SYK: variants seen among roughly 807,000 people sequenced by gnomAD.
SYK encodes the protein spleen associated tyrosine kinase, also known as tyrosine-protein kinase SYK.
A neutral mutation model predicts 77.8 loss-of-function variants in SYK; 16 were observed. That is an observed-to-expected ratio of 0.21 (90% CI 0.14 to 0.31). SYK has a LOEUF of 0.31. Among genes scored for constraint, SYK ranks in the 10% least tolerant of loss-of-function variants. The pLI is 1.00. For missense variants in SYK, 529 were observed against 814.4 expected (o/e 0.65, Z 4.26); for synonymous variants, 312 against 308.7 (o/e 1.01, Z -0.11).
At chr9:90,877,314 A>T (rs1026310152) in intron 9 of SYK, among the ~76,000 whole-genome samples, 8 of 152,102 alleles carry the variant, frequency 5.3e-5, no homozygotes, top group African/African-American at 1.9e-4. Context: ...AAGTATGGGG[A>T]TTGTCAGCAT....
At chr9:90,856,244 T>C (rs1200140781) in intron 3 of SYK, among the ~76,000 whole-genome samples, 2 of 152,220 alleles carry the variant, frequency 1.3e-5, no homozygotes, top group Non-Finnish European at 1.5e-5. Context: ...AAGTAATGTG[T>C]ATAAAGCTAA....
intron 1 of SYK, among the ~76,000 whole-genome samples, chr9:90,833,562 T>C (rs1280868886): frequency 1.3e-5 from 2 of 152,208 alleles, no homozygotes; most frequent in Non-Finnish European, 2.9e-5. Flanking sequence ...CTTGTTCAGC[T>C]GCTTGCTCAG....
intron 11 of SYK, among the ~76,000 whole-genome samples, chr9:90,885,564 A>T (rs1828532348): frequency 2.0e-5 from 3 of 152,320 alleles, no homozygotes; most frequent in Non-Finnish European, 4.4e-5. Context: ...TATTCAAATC[A>T]TCAGTGTCCC....
intron 3 of SYK, among the ~76,000 whole-genome samples, chr9:90,850,792 C>T (rs1165404784): frequency 6.7e-6 from 1 of 149,264 alleles, no homozygotes; most frequent in Admixed American, 6.7e-5. Context: ...AAAAAGAATT[C>T]CTGAAATGCA....
intron 9 of SYK, 150 bp from the exon 10 acceptor site, chr9:90,877,421 T>A: frequency 1.3e-6 from 1 of 766,984 alleles, no homozygotes; most frequent in Non-Finnish European, 2.1e-6. Flanking sequence ...AGGCCAGCCA[T>A]CCATTACAGG....
Position 90,898,395 on chromosome 9 carries a change from A to ATT in SYK, c.*2795_*2796insTT, listed in dbSNP as rs1829077371. On this transcript the variant is annotated 3_prime_UTR_variant, in exon 14 of 14. Transcript: ENST00000375754. Reference sequence around the variant, plus strand: ...CAAGTCGGCCTGGATTTTCACTTGCAGAGGCTACAGCTGCATTGTCAGGTC... The same window carrying ATT: ...CAAGTCGGCCTGGATTTTCACTTGCATTGAGGCTACAGCTGCATTGTCAGGTC... 8.8e-6 allele frequency: 2 copies of ATT among 227,260 alleles called. No individual in the cohort carries two copies. The highest frequency in any genetic ancestry group is 1.7e-5 in the Non-Finnish European group (2 of 114,392). 14.1% of individuals were successfully genotyped at this position (227,260 alleles called of 1,614,324 possible).
At position 90,877,624 on chromosome 9, in the gene SYK, C is replaced by A. The variant is rs772725630; in HGVS notation, c.1235C>A (p.Ala412Asp). The A allele has an allele frequency of 6.2e-7, 1 of 1,614,246 alleles. No individual in the cohort carries two copies. Among genetic ancestry groups the A allele is most frequent in the South Asian group, 1.1e-5 (1 of 91,088 alleles). ...CTGAAAAACGAGGCCAATGACCCCG[C>A]TCTTAAAGATGAGTTATTAGCAGAA... Reference protein sequence around the residue: ...KILKNEANDPALKDELLAEAN... With the variant: ...KILKNEANDPDLKDELLAEAN... The change falls in exon 10 of 14, where the codon GCT (alanine) becomes GAT (aspartate). Residue 412 changes from alanine to aspartate, a missense_variant. This residue lies in a region of SYK where 208 missense variants were observed against 381.3 expected (regional missense o/e 0.55). Coordinates refer to ENST00000375754, the MANE Select transcript of SYK (RefSeq NM_003177.7).
rs149544344 is a variant in SYK at position 90,884,478 on chromosome 9, TACACAC to T, written c.1582-3267_1582-3262del. Reference sequence around the variant, plus strand: ...ATACACATATGTGTGTACATATACATACACACACATACACATATGTGTACATGTACA... The same window carrying T: ...ATACACATATGTGTGTACATATACATACATACACATATGTGTACATGTACA... On this transcript the variant is annotated intron_variant, in intron 11 of 13. Coordinates refer to ENST00000375754, the MANE Select transcript of SYK (RefSeq NM_003177.7). 1.5e-4 allele frequency among the ~76,000 whole-genome samples: 2 copies of T among 12,974 alleles called. 1 individual carries two copies. The highest frequency in any genetic ancestry group is 1.7e-3 in the African/African-American group (2 of 1,186). 8.5% of individuals were successfully genotyped at this position (12,974 alleles called of 152,430 possible).
At chr9:90,842,061 TG>T (rs1025207369) in intron 1 of SYK, among the ~76,000 whole-genome samples, 1 of 137,956 alleles carries the variant, frequency 7.2e-6, no homozygotes, top group African/African-American at 2.5e-5. Context: ...GTGTGTGTGA[TG>T]TGTGTAGTGT....
At chr9:90,851,570 G>A (rs551599039) in intron 3 of SYK, among the ~76,000 whole-genome samples, 49 of 152,232 alleles carry the variant, frequency 3.2e-4, no homozygotes, top group African/African-American at 1.0e-3. Flanking sequence ...TGGAGGGGGA[G>A]TCCTCCAGCC....
intron 2 of SYK, among the ~76,000 whole-genome samples, chr9:90,844,885 A>C (rs1826525123): frequency 6.6e-6 from 1 of 152,204 alleles, no homozygotes; most frequent in African/African-American, 2.4e-5. Context: ...CTGCAGGATA[A>C]ACTTTGAAAG....
chr9:90,843,776 T>C (rs1587850266), intron 1 of SYK, 82 bp from the exon 2 acceptor site: 1 of 1,121,600 alleles, frequency 8.9e-7, no homozygotes, highest in Non-Finnish European at 1.2e-6. Context: ...TGTCTCCACT[T>C]TGAAAGGGTT....
chr9:90,872,517 C>T (rs1827770516), intron 7 of SYK, among the ~76,000 whole-genome samples: 3 of 152,176 alleles, frequency 2.0e-5, no homozygotes, highest in East Asian at 1.9e-4. Context: ...GACAGAAAGC[C>T]TAGGGGATCA....
intron 1 of SYK, among the ~76,000 whole-genome samples, chr9:90,825,186 CAGA>C (rs1292701078): frequency 6.7e-6 from 1 of 149,596 alleles, no homozygotes; most frequent in Non-Finnish European, 1.5e-5. Context: ...GATCTGTATG[CAGA>C]AAACTACAAA....
rs896945927 is a variant in SYK at position 90,801,866 on chromosome 9, G to T, written c.-69G>T. On this transcript the variant is annotated 5_prime_UTR_variant, in exon 1 of 14. Coordinates refer to ENST00000375754, the MANE Select transcript of SYK (RefSeq NM_003177.7). ...GAGGAGGAGCGGGTGGCCCCGCGCT[G>T]CGCCCGCCCTCGCCTCACCTGGCGC... is the stretch of plus-strand genomic sequence containing the variant. 4 of 152,572 alleles carry T rather than the reference G, an allele frequency of 2.6e-5. No homozygotes were observed. The highest frequency in any genetic ancestry group is 9.6e-5 in the African/African-American group (4 of 41,458). 9.5% of individuals were successfully genotyped at this position (152,572 alleles called of 1,614,324 possible).
chr9:90,874,123 G>A (rs981845891), intron 7 of SYK, 81 bp from the exon 8 acceptor site: 1 of 1,129,688 alleles, frequency 8.9e-7, no homozygotes, highest in Non-Finnish European at 1.3e-6. Context: ...GTGATTATTG[G>A]AAAATAAAAA....
intron 6 of SYK, among the ~76,000 whole-genome samples, chr9:90,865,830 T>C (rs1827463521): frequency 6.6e-6 from 1 of 150,638 alleles, no homozygotes; most frequent in Non-Finnish European, 1.5e-5. Context: ...GGAAGTCAGG[T>C]ACAGATTTAT....
intron 3 of SYK, among the ~76,000 whole-genome samples, chr9:90,855,039 CTT>C (rs1826975118): frequency 6.7e-6 from 1 of 150,374 alleles, no homozygotes; most frequent in Non-Finnish European, 1.5e-5. Flanking sequence ...CACACACACA[CTT>C]GAGAACCGCG....
At chr9:90,862,947 C>A (rs776366880) in intron 4 of SYK, among the ~76,000 whole-genome samples, 43 of 152,160 alleles carry the variant, frequency 2.8e-4, no homozygotes, top group Admixed American at 5.9e-4. Context: ...AGCATACTCC[C>A]TGGGCTCCAG....
Sources: gnomAD v4.1 joint callset for allele counts (sites outside exome capture counted in the v4.1 genomes callset) on GRCh38, gnomAD v4.1.1 for gene constraint, gnomAD v4.1.1 regional missense constraint, MANE v1.5 for transcripts, NCBI Gene and HGNC (gene_info 2026-07-23, HGNC 2026-07-21) for gene names.